The following BAHD1 variants were observed in gnomAD, a reference collection of about 807,000 sequenced individuals.
BAHD1 encodes bromo adjacent homology domain-containing 1 protein.
In BAHD1, 20 loss-of-function variants were observed where a neutral mutation model predicts 63.1. That is an observed-to-expected ratio of 0.32 (90% CI 0.22 to 0.46). BAHD1 has a LOEUF of 0.46. Ranked by LOEUF, BAHD1 falls within the 20% of genes least tolerant of loss-of-function variation. The probability of loss-of-function intolerance (pLI) is 1.00; values close to 1 mark genes in which losing one functional copy is unlikely to be tolerated. For synonymous variants in BAHD1, 408 were observed against 426.8 expected (o/e 0.96, Z 0.54); for missense variants, 939 against 1,071.8 (o/e 0.88, Z 1.73).
upstream of BAHD1, among the ~76,000 whole-genome samples, chr15:40,437,635 G>C (rs555762491): frequency 6.6e-6 from 1 of 152,192 alleles, no homozygotes; most frequent in African/African-American, 2.4e-5. Flanking sequence ...TTGGGACAGG[G>C]GCTGCCCCAC....
chr15:40,438,014 G>C (rs1315482744), upstream of BAHD1, among the ~76,000 whole-genome samples: 1 of 152,174 alleles, frequency 6.6e-6, no homozygotes, highest in South Asian at 2.1e-4. Context: ...GCAGCAGCCC[G>C]GGAAAGACTC....
intron 1 of BAHD1, among the ~76,000 whole-genome samples, chr15:40,455,518 G>A (rs2141508980): frequency 6.6e-6 from 1 of 152,316 alleles, no homozygotes; most frequent in Admixed American, 6.5e-5. Flanking sequence ...CCAAAGATCT[G>A]AGGACCATCT....
At chr15:40,462,326 G>T (rs748739391) in intron 3 of BAHD1, 32 bp downstream of exon 3, 64 of 1,566,064 alleles carry the variant, frequency 4.1e-5, no homozygotes, top group Non-Finnish European at 5.3e-5. Flanking sequence ...ATGACGAGAG[G>T]GAGGGAGGCA....
chr15:40,441,747 C>A (rs1309713142), intron 1 of BAHD1, among the ~76,000 whole-genome samples: 1 of 149,828 alleles, frequency 6.7e-6, no homozygotes, highest in Non-Finnish European at 1.5e-5. Flanking sequence ...CATCGCGGTC[C>A]CCGAGGCAAG....
chr15:40,458,605 C>T lies in BAHD1; in HGVS notation c.141C>T (p.His47=). Residue 47 remains histidine, a synonymous_variant, in exon 2 of 7, where the codon CAC becomes CAT. Transcript: ENST00000416165. This position sits in a 1 kb window ranked among gnomAD's most constrained non-coding sequence, Gnocchi z 4.7. The stretch of plus-strand genomic sequence containing the variant: ...CAGGCATGCCCGAGAGCCCAGGTCA[C>T]CTCACAGGGCGCCGCAAGAATTACC... ...VEPGMPESPG[H]LTGRRKNYPL... 1.2e-6 allele frequency: 2 copies of T among 1,614,032 alleles called. No individual in the cohort carries two copies. Among genetic ancestry groups the T allele is most frequent in the South Asian group, 1.1e-5 (1 of 91,078 alleles).
intron 1 of BAHD1, among the ~76,000 whole-genome samples, chr15:40,449,814 CAAAA>C (rs1053414532): frequency 7.3e-5 from 4 of 55,124 alleles, no homozygotes; most frequent in Admixed American, 4.1e-4. Flanking sequence ...GACCCTGTCT[CAAAA>C]AAAAAAAAAA....
intron 1 of BAHD1, among the ~76,000 whole-genome samples, chr15:40,449,814 C>CAAA (rs1053414532): frequency 3.6e-5 from 2 of 55,142 alleles, no homozygotes; most frequent in African/African-American, 1.2e-4. Flanking sequence ...GACCCTGTCT[C>CAAA]AAAAAAAAAA....
rs1893940330 is a variant in BAHD1, at chr15:40,459,034, T to G, written c.570T>G (p.Asp190Glu). 6.2e-7 allele frequency: 1 copy of G among 1,601,458 alleles called. No homozygotes were observed. Among genetic ancestry groups the G allele is most frequent in the South Asian group, 1.1e-5 (1 of 90,120 alleles). ...ACCTGTCTCCAGAGCCAGCACCCGA[T>G]GAAGGTCCCCGCCGAGATGGAGACC... ...SRDLSPEPAP[D>E]EGPRRDGDPA... is the part of the protein sequence containing the mutation. The change falls in exon 2 of 7, where the codon GAT becomes GAG. Residue 190 changes from aspartate to glutamate, a missense_variant. Physicochemically the swap from Asp to Glu is conservative, Grantham distance 45. Coordinates refer to ENST00000416165, the MANE Select transcript of BAHD1 (RefSeq NM_014952.5).
At chr15:40,449,406 C>A (rs375081830) in intron 1 of BAHD1, among the ~76,000 whole-genome samples, 1 of 152,296 alleles carries the variant, frequency 6.6e-6, no homozygotes, top group East Asian at 1.9e-4. Context: ...TGTCTTGATA[C>A]AAGTGTCTGT....
rs1004945953 is a variant in BAHD1 at position 40,441,002 on chromosome 15, C to G, written c.-281C>G. ...GCGTAGCGGATCCCGGAGCCCGGCC[C>G]CCGCCGCCCGCCCGTCCGGCTGCCT... is the stretch of plus-strand genomic sequence containing the variant. On this transcript the variant is annotated 5_prime_UTR_variant, in exon 1 of 7. Transcript: ENST00000416165. 6.3e-4 allele frequency among the ~76,000 whole-genome samples: 94 copies of G among 149,530 alleles called. No individual in the cohort carries two copies. The East Asian group carries it at 0.013, about 21-fold the overall frequency.
intron 1 of BAHD1, among the ~76,000 whole-genome samples, chr15:40,448,402 GAACGTGC>G (rs1893606499): frequency 6.6e-6 from 1 of 152,166 alleles, no homozygotes; most frequent in Non-Finnish European, 1.5e-5. Context: ...AAATAAAACT[GAACGTGC>G]AAGTTATCTT....
intron 2 of BAHD1, among the ~76,000 whole-genome samples, chr15:40,461,373 C>A (rs964388944): frequency 6.6e-6 from 1 of 152,182 alleles, no homozygotes; most frequent in African/African-American, 2.4e-5. Context: ...CGCGGTGGCT[C>A]ATGCCTGTAA....
intron 1 of BAHD1, among the ~76,000 whole-genome samples, chr15:40,451,458 C>G (rs555011156): frequency 2.6e-5 from 4 of 152,222 alleles, no homozygotes; most frequent in Non-Finnish European, 5.9e-5. Context: ...CATTTTTTTC[C>G]AGCACTTAGT....
intron 1 of BAHD1, among the ~76,000 whole-genome samples, chr15:40,442,463 G>A (rs1326808577): frequency 1.3e-5 from 2 of 152,196 alleles, no homozygotes; most frequent in African/African-American, 4.8e-5. Flanking sequence ...TGGCGACGGG[G>A]TTGCTACTCA....
rs1372465988 is a variant in BAHD1, at chr15:40,441,260, C to A, written c.-23C>A. 6.6e-6 allele frequency: 1 copy of A among 151,580 alleles called. No individual in the cohort carries two copies. The highest frequency in any genetic ancestry group is 2.4e-5 in the African/African-American group (1 of 41,324). 9.4% of individuals were successfully genotyped at this position (151,580 alleles called of 1,614,324 possible). On this transcript the variant is annotated 5_prime_UTR_variant, in exon 1 of 7. Transcript: ENST00000416165. Reference sequence around the variant, plus strand: ...GCCCAGAGCCGCGCCGTCCGCGCCGCCCGTTCTGGTGAGTCAGGGGCCGGG... The same window carrying A: ...GCCCAGAGCCGCGCCGTCCGCGCCGACCGTTCTGGTGAGTCAGGGGCCGGG...
chr15:40,445,160 C>G (rs188930183), intron 1 of BAHD1, among the ~76,000 whole-genome samples: 19 of 151,110 alleles, frequency 1.3e-4, no homozygotes, highest in African/African-American at 4.6e-4. Flanking sequence ...CTGGAGCCAG[C>G]AGCCCCTGGA....
chr15:40,464,135 C>T, intron 4 of BAHD1, 115 bp downstream of exon 4: 1 of 1,252,802 alleles, frequency 8.0e-7, no homozygotes, highest in Non-Finnish European at 1.1e-6. Flanking sequence ...GTGTTCCTGG[C>T]ACAGAGTCTG....
Position 40,465,398 on chromosome 15 carries a change from G to C in BAHD1, c.2116G>C (p.Glu706Gln), listed in dbSNP as rs1482557454. The change falls in exon 6 of 7, where the codon GAG (glutamate) becomes CAG (glutamine). Residue 706 changes from glutamate to glutamine, a missense_variant. Coordinates refer to ENST00000416165, the MANE Select transcript of BAHD1 (RefSeq NM_014952.5). Reference protein sequence around the residue: ...QDQNSVACIEEKCYVLTFAEY... With the variant: ...QDQNSVACIEQKCYVLTFAEY... The stretch of plus-strand genomic sequence containing the variant: ...CCAGAACAGTGTGGCCTGCATTGAG[G>C]AGAAGTGCTATGTGCTGACTTTTGC... The C allele has an allele frequency of 6.2e-7, 1 of 1,614,150 alleles. No homozygotes were observed. Among genetic ancestry groups the C allele is most frequent in the East Asian group, 2.2e-5 (1 of 44,870 alleles).
At chr15:40,438,570 C>T (rs1233908728), upstream of BAHD1, among the ~76,000 whole-genome samples, 1 of 152,122 alleles carries the variant, frequency 6.6e-6, no homozygotes, top group Non-Finnish European at 1.5e-5. Flanking sequence ...GCCAGGCAGG[C>T]ACTTGGTGGG....
Sources: gnomAD v4.1 joint callset for allele counts (sites outside exome capture counted in the v4.1 genomes callset) on GRCh38, gnomAD v4.1.1 for gene constraint, Gnocchi (gnomAD v3.1) non-coding constraint, MANE v1.5 for transcripts, NCBI Gene and HGNC (gene_info 2026-07-23, HGNC 2026-07-21) for gene names.